COL4A2: variants seen among roughly 807,000 people sequenced by gnomAD.
COL4A2 encodes the protein collagen type IV alpha 2 chain.
Under a neutral mutation model 200.2 loss-of-function variants are expected in COL4A2, and 99 were observed. The observed-to-expected ratio is 0.49, with a 90% CI of 0.42 to 0.58. The LOEUF is 0.58. COL4A2 is among the 20% of genes least tolerant of loss of function. COL4A2 has a pLI of 0.00. For synonymous variants in COL4A2, 897 were observed against 900.6 expected (o/e 1.00, Z 0.07); for missense variants, 1,950 against 2,314.1 (o/e 0.84, Z 3.23).
At chr13:110,340,467 G>A (rs1380831868) in intron 3 of COL4A2, among the ~76,000 whole-genome samples, 1 of 152,154 alleles carries the variant, frequency 6.6e-6, no homozygotes, top group Non-Finnish European at 1.5e-5. Context: ...TCATTCTAAA[G>A]ATGTAAAAGA....
At chr13:110,349,262 T>G (rs1399056784) in intron 3 of COL4A2, among the ~76,000 whole-genome samples, 1 of 152,198 alleles carries the variant, frequency 6.6e-6, no homozygotes. Context: ...TGGAGAGAAG[T>G]GACATTGGGC....
intron 3 of COL4A2, among the ~76,000 whole-genome samples, chr13:110,353,277 G>A (rs1481152666): frequency 6.6e-6 from 1 of 152,186 alleles, no homozygotes; most frequent in Non-Finnish European, 1.5e-5. Context: ...TCATGAAGGG[G>A]GTGAGCAGAG....
intron 37 of COL4A2, 29 bp downstream of exon 37, chr13:110,491,369 C>T (rs773530401): frequency 9.8e-5 from 143 of 1,464,536 alleles, no homozygotes; most frequent in Non-Finnish European, 1.3e-4. Context: ...ACACAGCCTT[C>T]CTCAGGCAGG....
At chr13:110,422,417 G>A (rs1264402939) in intron 4 of COL4A2, among the ~76,000 whole-genome samples, 3 of 152,174 alleles carry the variant, frequency 2.0e-5, no homozygotes, top group South Asian at 2.1e-4. Context: ...GAGTCTCCTC[G>A]CCTAGGTAGA....
chr13:110,473,218 A>T lies in COL4A2; in HGVS notation c.2425+68A>T, dbSNP rs1471923411. 4.2e-6 allele frequency: 6 copies of T among 1,441,464 alleles called. No individual in the cohort carries two copies. In the African/African-American group the frequency reaches 7.1e-5, roughly 17 times the overall value. The allele number at this position is 1,441,464 out of a possible 1,614,324, so 89.3% of individuals were successfully genotyped here. A position where few individuals can be genotyped will look rare whatever the true frequency, so the allele number is the denominator to read the frequency against. On this transcript the variant is annotated intron_variant, in intron 29 of 47. Transcript: ENST00000360467. Reference sequence around the variant, plus strand: ...ACAGTGGCCTCCAAGGGCGACCCCAATCCCTTCCGGGGGATTTGGTAGGAA... The same window carrying T: ...ACAGTGGCCTCCAAGGGCGACCCCATTCCCTTCCGGGGGATTTGGTAGGAA...
intron 10 of COL4A2, chr13:110,430,985 A>G: frequency 2.3e-6 from 1 of 433,176 alleles, no homozygotes; most frequent in South Asian, 1.7e-5. Flanking sequence ...TGCCACACCC[A>G]TGCTAGCAGG....
rs2139512516 is a variant in COL4A2, at chr13:110,472,873, C to T, written c.2204-56C>T. ...TTTCCAGCCTCTTTTTGACTCTTCT[C>T]TTAGAACGTCACCATGCTAACTTGT... On this transcript the variant is annotated intron_variant, in intron 28 of 47. Transcript: ENST00000360467. 2.0e-6 allele frequency: 3 copies of T among 1,511,208 alleles called. No individual in the cohort carries two copies. In the East Asian group the frequency reaches 7.4e-5, roughly 37 times the overall value. The allele number at this position is 1,511,208 out of a possible 1,614,324, so 93.6% of individuals were successfully genotyped here. A position where few individuals can be genotyped will look rare whatever the true frequency, so the allele number is the denominator to read the frequency against.
At chr13:110,337,208 G>A (rs945687849) in intron 3 of COL4A2, among the ~76,000 whole-genome samples, 1 of 152,358 alleles carries the variant, frequency 6.6e-6, no homozygotes, top group Middle Eastern at 3.4e-3. Context: ...GTTCTGGAAT[G>A]GGGCATGGGC....
At chr13:110,400,230 A>C (rs922595640) in intron 4 of COL4A2, among the ~76,000 whole-genome samples, 3 of 152,234 alleles carry the variant, frequency 2.0e-5, no homozygotes, top group Non-Finnish European at 4.4e-5. Flanking sequence ...AAAAGTGAAA[A>C]AGTTGGTCTT....
At chr13:110,493,751 A>G (rs1024700389) in intron 39 of COL4A2, among the ~76,000 whole-genome samples, 7 of 152,154 alleles carry the variant, frequency 4.6e-5, no homozygotes, top group African/African-American at 1.7e-4. Context: ...CTGGGAGCCA[A>G]AAACAACCAA....
intron 15 of COL4A2, 129 bp downstream of exon 15, chr13:110,438,797 T>TCCC (rs1881004412): frequency 1.5e-5 from 12 of 816,408 alleles, no homozygotes; most frequent in South Asian, 9.9e-5. Flanking sequence ...CCGTTATTAC[T>TCCC]CCCCACCCCC....
chr13:110,512,913 C>T lies in COL4A2; in HGVS notation c.*722C>T, dbSNP rs1884141964. On this transcript the variant is annotated 3_prime_UTR_variant, in exon 48 of 48. Transcript: ENST00000360467. ...GGGTCGGAGGTGCTGTCCCCACTGC[C>T]CCACGTTGTCCCTGAGATTTAACCC... The T allele has an allele frequency of 6.6e-6, 1 of 152,190 alleles. No homozygotes were observed. The highest frequency in any genetic ancestry group is 2.1e-4 in the South Asian group (1 of 4,836). The allele number at this position is 152,190 out of a possible 1,614,324, so 9.4% of individuals were successfully genotyped here. A position where few individuals can be genotyped will look rare whatever the true frequency, so the allele number is the denominator to read the frequency against.
intron 22 of COL4A2, among the ~76,000 whole-genome samples, chr13:110,461,136 G>A (rs1463576696): frequency 6.6e-6 from 1 of 152,236 alleles, no homozygotes; most frequent in Admixed American, 6.5e-5. Context: ...GAGAGTCCCT[G>A]CAGGCAGCTT....
intron 4 of COL4A2, among the ~76,000 whole-genome samples, chr13:110,419,517 G>C (rs1178256042): frequency 2.0e-5 from 3 of 152,182 alleles, no homozygotes; most frequent in African/African-American, 7.2e-5. Flanking sequence ...TGAAGCTGTA[G>C]GGCTACACTG....
chr13:110,407,558 A>G (rs1407918044), intron 4 of COL4A2, among the ~76,000 whole-genome samples: 1 of 152,238 alleles, frequency 6.6e-6, no homozygotes, highest in East Asian at 1.9e-4. Context: ...TACATTAGAA[A>G]GGAGTCGGAG....
At chr13:110,406,493 A>ACTGGCTCCAAT (rs1343673039) in intron 4 of COL4A2, among the ~76,000 whole-genome samples, 2 of 152,224 alleles carry the variant, frequency 1.3e-5, no homozygotes, top group Non-Finnish European at 2.9e-5. Flanking sequence ...CTCTTGCATG[A>ACTGGCTCCAAT]CTGGCTCCAA....
intron 3 of COL4A2, among the ~76,000 whole-genome samples, chr13:110,339,875 A>C (rs1876370316): frequency 6.6e-6 from 1 of 152,254 alleles, no homozygotes; most frequent in African/African-American, 2.4e-5. Context: ...GAAATGGAAC[A>C]ATGGCACTCC....
chr13:110,451,706 G>C (rs1881543960), intron 20 of COL4A2, among the ~76,000 whole-genome samples: 1 of 152,162 alleles, frequency 6.6e-6, no homozygotes, highest in African/African-American at 2.4e-5. Context: ...GGGGATTATG[G>C]GAACTACAAC....
chr13:110,383,301 G>C (rs539198010), intron 4 of COL4A2, among the ~76,000 whole-genome samples: 1 of 152,140 alleles, frequency 6.6e-6, no homozygotes, highest in South Asian at 2.1e-4. Flanking sequence ...CAATACTCTT[G>C]GGGGACAAAA....
Sources: allele counts gnomAD v4.1 joint callset (sites outside exome capture counted in the v4.1 genomes callset), GRCh38; gene constraint gnomAD v4.1.1; transcripts MANE v1.5; gene names NCBI Gene and HGNC (gene_info 2026-07-23, HGNC 2026-07-21).